Variants in PHEX observed in about 807,000 individuals in gnomAD.
PHEX encodes phosphate regulating endopeptidase X-linked, also known as phosphate-regulating neutral endopeptidase PHEX.
In PHEX, 16 loss-of-function variants were observed where a neutral mutation model predicts 68.0. The ratio of observed to expected loss-of-function variants is 0.24; its 90% confidence interval spans 0.16 to 0.36. The LOEUF (loss-of-function observed/expected upper bound fraction) is 0.36. Ranked by LOEUF, PHEX falls within the 10% of genes least tolerant of loss-of-function variation. The probability of loss-of-function intolerance (pLI) is 1.00; values close to 1 mark genes in which losing one functional copy is unlikely to be tolerated. For missense variants in PHEX, 480 were observed against 575.5 expected, an observed-to-expected ratio of 0.83 and a Z score of 1.70; for synonymous variants, 208 against 205.1, an observed-to-expected ratio of 1.01 and a Z score of -0.12.
chrX:22,148,002 T>C (rs920337153), intron 12 of PHEX, among the ~76,000 whole-genome samples: 1 of 109,639 alleles, frequency 9.1e-6, no homozygotes, highest in African/African-American at 3.3e-5. Flanking sequence ...ACTCAGTTAC[T>C]GTAGTTGTCT....
At chrX:22,141,764 C>CA (rs780845371) in intron 12 of PHEX, among the ~76,000 whole-genome samples, 4 of 111,280 alleles carry the variant, frequency 3.6e-5, no homozygotes, top group African/African-American at 1.3e-4. Flanking sequence ...AGTAGAAAGA[C>CA]AAAAAAAAGT....
At chrX:22,092,533 G>A (rs892655063) in intron 6 of PHEX, among the ~76,000 whole-genome samples, 2 of 108,102 alleles carry the variant, frequency 1.9e-5, no homozygotes, top group African/African-American at 6.8e-5. Flanking sequence ...CCACCATGCC[G>A]GGCTAATTTT....
chrX:22,044,850 CTTTATT>C (rs1299024066), intron 2 of PHEX, among the ~76,000 whole-genome samples: 1 of 110,601 alleles, frequency 9.0e-6, no homozygotes, highest in African/African-American at 3.3e-5. Context: ...ACTTCTAAGT[CTTTATT>C]TTTATTTATT....
chrX:22,081,058 G>A, intron 5 of PHEX, among the ~76,000 whole-genome samples: 1 of 111,259 alleles, frequency 9.0e-6, no homozygotes, highest in Non-Finnish European at 1.9e-5. Context: ...GCCTCTCAGA[G>A]CTCAAACTCA....
At chrX:22,167,662 T>A (rs1256093489) in intron 12 of PHEX, among the ~76,000 whole-genome samples, 8 of 108,393 alleles carry the variant, frequency 7.4e-5, no homozygotes, top group Admixed American at 5.0e-4. Flanking sequence ...CGGCTTTTTT[T>A]AAAATTTATT....
At chrX:22,102,628 T>C (rs5951693) in intron 9 of PHEX, among the ~76,000 whole-genome samples, 28,148 of 111,303 alleles carry the variant, frequency 0.25, 6,232 homozygotes, top group African/African-American at 0.73. Flanking sequence ...GACATATGAA[T>C]GGAACCCCAA....
At chrX:22,146,212 T>C (rs1259529000) in intron 12 of PHEX, among the ~76,000 whole-genome samples, 1 of 112,425 alleles carries the variant, frequency 8.9e-6, no homozygotes, top group Non-Finnish European at 1.9e-5. Context: ...ATGAACAGTA[T>C]ATTGATTTTT....
intron 3 of PHEX, among the ~76,000 whole-genome samples, chrX:22,073,143 G>T (rs991831462): frequency 1.1e-4 from 12 of 111,622 alleles, no homozygotes; most frequent in African/African-American, 3.9e-4. Flanking sequence ...ACAATATCCT[G>T]AGAAGCAAGC....
At chrX:22,195,749 A>C (rs776417831) in intron 15 of PHEX, among the ~76,000 whole-genome samples, 2 of 112,050 alleles carry the variant, frequency 1.8e-5, no homozygotes, top group Non-Finnish European at 1.9e-5. Context: ...CATCTATATG[A>C]TAGAAGTTAA....
At position 22,250,976 on chromosome X, in the gene PHEX, C is replaced by A. The variant is rs1936549327; in HGVS notation, c.*3023C>A. The A allele has an allele frequency of 8.9e-6, 1 of 111,977 alleles. No individual in the cohort carries two copies. Among genetic ancestry groups the A allele is most frequent in the South Asian group, 3.7e-4 (1 of 2,730 alleles). 9.2% of individuals were successfully genotyped at this position (111,977 alleles called of 1,213,427 possible). ...AGTCTTTGGGCTTTGGTCTACTGACCTGTGGATTAAACTCTATCCCTTAGA... is the reference window on the plus strand; with the variant it reads ...AGTCTTTGGGCTTTGGTCTACTGACATGTGGATTAAACTCTATCCCTTAGA... On this transcript the variant is annotated 3_prime_UTR_variant, in exon 22 of 22. Coordinates refer to ENST00000379374, the MANE Select transcript of PHEX (RefSeq NM_000444.6).
At chrX:22,237,574 C>T (rs779900157) in intron 20 of PHEX, among the ~76,000 whole-genome samples, 4 of 111,890 alleles carry the variant, frequency 3.6e-5, no homozygotes, top group Non-Finnish European at 7.5e-5. Flanking sequence ...ACACCCCTGC[C>T]AGATAAATCT....
At chrX:22,196,856 C>T (rs1934384034) in intron 15 of PHEX, among the ~76,000 whole-genome samples, 1 of 111,659 alleles carries the variant, frequency 9.0e-6, no homozygotes, top group African/African-American at 3.3e-5. Context: ...TGTCCAGAGG[C>T]TGGGCTTATG....
At chrX:22,067,706 C>T (rs1016387126) in intron 3 of PHEX, among the ~76,000 whole-genome samples, 2 of 111,840 alleles carry the variant, frequency 1.8e-5, no homozygotes, top group Non-Finnish European at 3.8e-5. Flanking sequence ...TTCCCCCGAT[C>T]TGCAGCATCA....
At position 22,099,083 on chromosome X, in the gene PHEX, G is replaced by A. The variant is rs1312539958; in HGVS notation, c.1011G>A (p.Glu337=). The A allele has an allele frequency of 1.7e-6, 2 of 1,207,692 alleles. No individual in the cohort carries two copies. Among genetic ancestry groups the A allele is most frequent in the Non-Finnish European group, 2.2e-6 (2 of 891,978 alleles). Residue 337 remains glutamate, a synonymous_variant, in exon 9 of 22, where the codon GAG becomes GAA. Transcript: ENST00000379374. ...YPHLKDISPS[E]NVVVRVPQYF... ...ATCTGAAAGACATCAGCCCCTCCGAGAATGTGGTGGTCCGCGTCCCGCAGT... is the reference window on the plus strand; with the variant it reads ...ATCTGAAAGACATCAGCCCCTCCGAAAATGTGGTGGTCCGCGTCCCGCAGT...
chrX:22,093,628 G>A (rs1443995233), intron 6 of PHEX, among the ~76,000 whole-genome samples: 1 of 112,008 alleles, frequency 8.9e-6, no homozygotes, highest in Non-Finnish European at 1.9e-5. Flanking sequence ...TTTTATTAAA[G>A]CCTCACTTGT....
At chrX:22,141,528 G>T (rs1932458848) in intron 12 of PHEX, among the ~76,000 whole-genome samples, 1 of 108,891 alleles carries the variant, frequency 9.2e-6, no homozygotes, top group East Asian at 2.8e-4. Flanking sequence ...CCGCTCACAG[G>T]AACTGTTGTT....
At chrX:22,129,117 C>T (rs1931868284) in intron 11 of PHEX, among the ~76,000 whole-genome samples, 1 of 110,874 alleles carries the variant, frequency 9.0e-6, no homozygotes, top group African/African-American at 3.3e-5. Context: ...TGTCTGATAA[C>T]CAAGATAGCT....
intron 14 of PHEX, among the ~76,000 whole-genome samples, chrX:22,187,652 A>C (rs1186367331): frequency 8.9e-6 from 1 of 111,848 alleles, no homozygotes; most frequent in Non-Finnish European, 1.9e-5. Context: ...TACCTACTAC[A>C]GGTAGCCAAG....
chrX:22,072,899 TAC>T (rs1225588579), intron 3 of PHEX, among the ~76,000 whole-genome samples: 1 of 112,139 alleles, frequency 8.9e-6, no homozygotes, highest in Non-Finnish European at 1.9e-5. Flanking sequence ...TGGAAAAATT[TAC>T]ATAAAAAAAG....
Sources: gnomAD v4.1 joint callset for allele counts (sites outside exome capture counted in the v4.1 genomes callset) on GRCh38, gnomAD v4.1.1 for gene constraint, MANE v1.5 for transcripts, NCBI Gene and HGNC (gene_info 2026-07-23, HGNC 2026-07-21) for gene names.